Variants in DDX43 observed in about 807,000 individuals in gnomAD.
DDX43 encodes DEAD-box helicase 43.
DDX43 carries 50 observed loss-of-function variants against 84.9 expected under a neutral mutation model. The observed-to-expected ratio is 0.59, with a 90% CI of 0.47 to 0.75. DDX43 has a LOEUF of 0.75. DDX43 is among the 30% of genes least tolerant of loss of function. DDX43 has a pLI of 0.00. For missense variants in DDX43, 689 were observed against 798.6 expected, an observed-to-expected ratio of 0.86 and a Z score of 1.65; for synonymous variants, 291 against 266.3, an observed-to-expected ratio of 1.09 and a Z score of -0.90.
intron 9 of DDX43, 99 bp downstream of exon 9, chr6:73,408,200 C>T (rs184382893): frequency 1.1e-5 from 14 of 1,241,950 alleles, no homozygotes; most frequent in African/African-American, 6.0e-5. Flanking sequence ...TTTGGGAGGC[C>T]GAGGCAGGTG....
intron 6 of DDX43, 136 bp downstream of exon 6, chr6:73,405,971 T>C: frequency 1.2e-6 from 1 of 837,234 alleles, no homozygotes; most frequent in Non-Finnish European, 1.7e-6. Flanking sequence ...AAAAAATCTT[T>C]GTTGAAAGAA....
In DDX43 at chr6:73,407,482, A is replaced by G. The variant is rs372278073; in HGVS notation, c.927-23A>G. ...GTGCATCTGAGACAAGTAATTTAAT[A>G]TTAATCTGTTTTCTCTCCAAAGCCT... On this transcript the variant is annotated intron_variant, in intron 7 of 16. Coordinates refer to ENST00000370336, the MANE Select transcript of DDX43 (RefSeq NM_018665.3). 8 of 1,463,694 alleles carry G rather than the reference A, an allele frequency of 5.5e-6. No individual in the cohort carries two copies. The African/African-American group carries it at 8.4e-5, about 15-fold the overall frequency. 90.7% of individuals were successfully genotyped at this position (1,463,694 alleles called of 1,614,324 possible). A position where few individuals can be genotyped will look rare whatever the true frequency, so the allele number is the denominator to read the frequency against.
intron 14 of DDX43, 86 bp downstream of exon 14, chr6:73,414,772 A>G: frequency 8.0e-7 from 1 of 1,251,328 alleles, no homozygotes; most frequent in African/African-American, 1.5e-5. Context: ...AAACCATTTT[A>G]TTCTATTACC....
intron 4 of DDX43, among the ~76,000 whole-genome samples, chr6:73,403,220 G>A (rs1018998408): frequency 3.3e-5 from 5 of 152,148 alleles, no homozygotes; most frequent in African/African-American, 9.6e-5. Flanking sequence ...TGTAATCCCA[G>A]CACTTTGGGA....
At chr6:73,410,625 C>T (rs1450578562) in intron 10 of DDX43, among the ~76,000 whole-genome samples, 1 of 152,208 alleles carries the variant, frequency 6.6e-6, no homozygotes, top group Non-Finnish European at 1.5e-5. Context: ...CAGGGTCTCA[C>T]TCTGTCACCC....
At chr6:73,409,899 G>A (rs117585815) in intron 10 of DDX43, among the ~76,000 whole-genome samples, 3,264 of 151,924 alleles carry the variant, frequency 0.021, 274 homozygotes, top group East Asian at 0.15. Context: ...GCATAGTGGC[G>A]CACACTTGTA....
chr6:73,404,136 A>G (rs1015078875), intron 4 of DDX43, among the ~76,000 whole-genome samples: 2 of 150,520 alleles, frequency 1.3e-5, no homozygotes, highest in Admixed American at 1.3e-4. Context: ...TTTTTCTGAG[A>G]CAGAGTTTCA....
At chr6:73,406,112 C>G (rs1392727302) in intron 6 of DDX43, among the ~76,000 whole-genome samples, 1 of 151,376 alleles carries the variant, frequency 6.6e-6, no homozygotes, top group Non-Finnish European at 1.5e-5. Context: ...CAACCTCTGT[C>G]TCCCAGGTTC....
intron 2 of DDX43, among the ~76,000 whole-genome samples, chr6:73,398,155 A>C (rs570527703): frequency 3.3e-5 from 5 of 152,236 alleles, no homozygotes; most frequent in Admixed American, 2.0e-4. Flanking sequence ...AGGGTAAATT[A>C]GGTAAGTTGC....
In DDX43 at chr6:73,416,140, G is replaced by C. The variant is rs1213036671; in HGVS notation, c.1861G>C (p.Ala621Pro). 6.3e-7 allele frequency: 1 copy of C among 1,578,762 alleles called. No individual in the cohort carries two copies. Among genetic ancestry groups the C allele is most frequent in the Non-Finnish European group, 8.7e-7 (1 of 1,147,494 alleles). ...TATTCCAGAGGAGCTTGTATCAATG[G>C]CTGAGAGGTTTAAGGCACATCAACA... The part of the protein sequence containing the change: ...QSIPEELVSM[A>P]ERFKAHQQKR... The change falls in exon 16 of 17, where the codon GCT becomes CCT. Residue 621 changes from alanine (A) to proline (P), a missense_variant. By Grantham distance (27) the Ala-to-Pro change is conservative. Coordinates refer to ENST00000370336, the MANE Select transcript of DDX43 (RefSeq NM_018665.3).
intron 7 of DDX43, 144 bp from the exon 8 acceptor site, chr6:73,407,361 C>T (rs1022549580): frequency 1.8e-4 from 102 of 561,908 alleles, no homozygotes; most frequent in Middle Eastern, 4.7e-4. Flanking sequence ...TCAGGTAATC[C>T]GACTGCCTTG....
intron 2 of DDX43, among the ~76,000 whole-genome samples, chr6:73,398,978 C>T (rs1769521618): frequency 6.6e-6 from 1 of 152,144 alleles, no homozygotes. Context: ...CGGAGTCTTG[C>T]TCTGTCGCCC....
chr6:73,412,333 A>G, intron 11 of DDX43, 41 bp downstream of exon 11: 1 of 1,557,912 alleles, frequency 6.4e-7, no homozygotes, highest in Non-Finnish European at 8.8e-7. Context: ...ATTTCTTATG[A>G]AAATTCTGAA....
At chr6:73,414,396 C>A in intron 13 of DDX43, 152 bp from the exon 14 acceptor site, 1 of 705,548 alleles carries the variant, frequency 1.4e-6, no homozygotes, top group South Asian at 2.1e-5. Flanking sequence ...TGTAACTTGC[C>A]GGCAGTTACT....
chr6:73,403,282 C>G (rs930456288), intron 4 of DDX43, among the ~76,000 whole-genome samples: 1 of 152,098 alleles, frequency 6.6e-6, no homozygotes, highest in Non-Finnish European at 1.5e-5. Context: ...CCAGCCTGGG[C>G]AATATGGTGA....
Position 73,397,784 on chromosome 6 carries a change from T to G in DDX43, c.306+40T>G, listed in dbSNP as rs777214889. The G allele has an allele frequency of 1.3e-5, 20 of 1,571,326 alleles. No individual in the cohort carries two copies. The East Asian group carries it at 2.7e-4, about 21-fold the overall frequency. ...TTTTTCGGCCCTTAAGAGAGCATCA[T>G]GCATTTCTAAGGGAGCACCTAACTC... On this transcript the variant is annotated intron_variant, in intron 2 of 16. Transcript: ENST00000370336.
intron 8 of DDX43, 117 bp from the exon 9 acceptor site, chr6:73,407,843 A>C: frequency 9.9e-7 from 1 of 1,007,384 alleles, no homozygotes; most frequent in Non-Finnish European, 1.5e-6. Flanking sequence ...ATTCTCAGAA[A>C]GGGGCAGATA....
Position 73,394,860 on chromosome 6 carries a change from G to A in DDX43, c.-46G>A. ...TCTTACGACGTCACGGTCAGGTGGT[G>A]CAGAGCTGGACGGCAACGACGTCGG... On this transcript the variant is annotated 5_prime_UTR_variant, in exon 1 of 17. Coordinates refer to ENST00000370336, the MANE Select transcript of DDX43 (RefSeq NM_018665.3). The A allele has an allele frequency of 5.0e-6, 8 of 1,601,958 alleles. No homozygotes were observed. Among genetic ancestry groups the A allele is most frequent in the Non-Finnish European group, 6.8e-6 (8 of 1,173,732 alleles).
rs267601112 is a variant in DDX43 at position 73,416,136 on chromosome 6, A to G, written c.1857A>G (p.Ser619=). The change falls in exon 16 of 17, where the codon TCA becomes TCG. Residue 619 remains serine, a synonymous_variant. Transcript: ENST00000370336. ...AGAGTATTCCAGAGGAGCTTGTATC[A>G]ATGGCTGAGAGGTTTAAGGCACATC... is the stretch of plus-strand genomic sequence containing the variant. ...ANQSIPEELV[S]MAERFKAHQQ... The G allele has an allele frequency of 6.4e-7, 1 of 1,573,180 alleles. No individual in the cohort carries two copies. The highest frequency in any genetic ancestry group is 1.7e-5 in the Admixed American group (1 of 59,940).
Sources: gnomAD v4.1 joint callset for allele counts (sites outside exome capture counted in the v4.1 genomes callset) on GRCh38, gnomAD v4.1.1 for gene constraint, MANE v1.5 for transcripts, NCBI Gene and HGNC (gene_info 2026-07-23, HGNC 2026-07-21) for gene names.